The following ZNF268 variants were observed in gnomAD, a reference collection of about 807,000 sequenced individuals.
ZNF268 encodes zinc finger protein 268, also known as zinc finger protein 3.
ZNF268 carries 20 observed loss-of-function variants against 29.3 expected under a neutral mutation model. The ratio of observed to expected loss-of-function variants is 0.68; its 90% CI spans 0.48 to 0.99. ZNF268 has a LOEUF of 0.99. Ranked by LOEUF, ZNF268 falls within the 50% of genes least tolerant of loss-of-function variation. The pLI is 0.00. For synonymous variants in ZNF268, 429 were observed against 376.9 expected (o/e 1.14, Z -1.60); for missense variants, 1,240 against 1,121.6 (o/e 1.11, Z -1.51).
chr12:133,195,589 C>A (rs1956573235), intron 5 of ZNF268, among the ~76,000 whole-genome samples: 1 of 152,088 alleles, frequency 6.6e-6, no homozygotes, highest in Non-Finnish European at 1.5e-5. Flanking sequence ...TGCCAGTAGT[C>A]CCAGCTACTT....
At position 133,202,732 on chromosome 12, in the gene ZNF268, T is replaced by C. The variant is rs1353013365; in HGVS notation, c.1046T>C (p.Ile349Thr). 3.1e-6 allele frequency: 5 copies of C among 1,612,000 alleles called. No individual in the cohort carries two copies. Among genetic ancestry groups the C allele is most frequent in the Non-Finnish European group, 4.2e-6 (5 of 1,179,230 alleles). The change falls in exon 6 of 6, where the codon ATA (isoleucine) becomes ACA (threonine). Residue 349 changes from isoleucine to threonine, a missense_variant. Transcript: ENST00000536435. ...TTCAGTTTCCATTCACAGCTTGTTA[T>C]ACATCAGAGAATTCACACAGGTGAG... ...KTFSFHSQLV[I>T]HQRIHTGENP...
chr12:133,203,709 A>C lies in ZNF268; in HGVS notation c.2023A>C (p.Lys675Gln). The C allele has an allele frequency of 6.5e-7, 1 of 1,547,504 alleles. No homozygotes were observed. The highest frequency in any genetic ancestry group is 1.2e-5 in the South Asian group (1 of 85,100). ...ACCCTATGGATGCAGTCAATGTGCA[A>C]AAACCTTTAGTTTGAAGTCCCAGCT... ...VKPYGCSQCAKTFSLKSQLIV... is the reference protein window; with the variant it reads ...VKPYGCSQCAQTFSLKSQLIV... The change falls in exon 6 of 6, where the codon AAA becomes CAA. Residue 675 changes from lysine to glutamine, a missense_variant. Around this residue, in one of 3 missense-constraint regions of ZNF268, gnomAD observed 1,177 missense variants for 1,039.6 expected, o/e 1.13. Coordinates refer to ENST00000536435, the MANE Select transcript of ZNF268 (RefSeq NM_003415.3).
chr12:133,185,858 CCT>C (rs71820074), intron 2 of ZNF268, among the ~76,000 whole-genome samples: 34,044 of 151,982 alleles, frequency 0.22, 4,585 homozygotes, highest in Non-Finnish European at 0.3. Context: ...AAGGTGGAGT[CCT>C]CTTTTCTAAG....
In ZNF268 at chr12:133,181,950, C is replaced by G. The variant is rs542290849; in HGVS notation, c.-48C>G. ...TCACTGTGCTCTCTCTTCTAGCATC[C>G]CTCGCGTCCTGTCACTTCCAGCGAG... On this transcript the variant is annotated 5_prime_UTR_variant, in exon 2 of 6. Transcript: ENST00000536435. 2.7e-5 allele frequency: 42 copies of G among 1,551,100 alleles called. No homozygotes were observed. The Admixed American group carries it at 4.9e-4, about 18-fold the overall frequency.
rs868129775 is a variant in ZNF268 at position 133,203,712 on chromosome 12, A to G, written c.2026A>G (p.Thr676Ala). The part of the protein sequence containing the change: ...KPYGCSQCAK[T>A]FSLKSQLIVH... Reference sequence around the variant, plus strand: ...CTATGGATGCAGTCAATGTGCAAAAACCTTTAGTTTGAAGTCCCAGCTCAT... The same window carrying G: ...CTATGGATGCAGTCAATGTGCAAAAGCCTTTAGTTTGAAGTCCCAGCTCAT... The change falls in exon 6 of 6, where the codon ACC becomes GCC. Residue 676 changes from threonine (T) to alanine (A), a missense_variant. By Grantham distance (58) the Thr-to-Ala change is moderately conservative. This residue lies in a region of ZNF268 where 1,177 missense variants were observed against 1,039.6 expected (regional missense o/e 1.13). Transcript: ENST00000536435. 1 of 1,547,022 alleles carries G rather than the reference A, an allele frequency of 6.5e-7. No homozygotes were observed. The highest frequency in any genetic ancestry group is 8.7e-7 in the Non-Finnish European group (1 of 1,152,196).
At chr12:133,196,756 G>T (rs1234680193) in intron 5 of ZNF268, among the ~76,000 whole-genome samples, 1 of 152,136 alleles carries the variant, frequency 6.6e-6, no homozygotes, top group Non-Finnish European at 1.5e-5. Flanking sequence ...TCAAACCATT[G>T]TGAAAACCGA....
chr12:133,191,843 G>A (rs747987054), intron 4 of ZNF268, 65 bp from the exon 5 acceptor site: 36 of 1,579,868 alleles, frequency 2.3e-5, no homozygotes, highest in Middle Eastern at 1.7e-4. Flanking sequence ...AATCTTTCCC[G>A]TTCTTCAGAA....
chr12:133,188,989 TCTTTATTA>T (rs1956396112), intron 3 of ZNF268, among the ~76,000 whole-genome samples: 2 of 152,266 alleles, frequency 1.3e-5, no homozygotes, highest in South Asian at 2.1e-4. Context: ...AAGATCTTTT[TCTTTATTA>T]CTTTATTACT....
intron 5 of ZNF268, among the ~76,000 whole-genome samples, chr12:133,195,224 C>T (rs893932030): frequency 1.7e-4 from 26 of 152,254 alleles, no homozygotes; most frequent in Non-Finnish European, 1.2e-4. Context: ...TGATTAAACT[C>T]GAGATGGTCG....
chr12:133,204,083 G>A lies in ZNF268; in HGVS notation c.2397G>A (p.Met799Ile). The change falls in exon 6 of 6, where the codon ATG becomes ATA. Residue 799 changes from methionine (M) to isoleucine (I), a missense_variant. Coordinates refer to ENST00000536435, the MANE Select transcript of ZNF268 (RefSeq NM_003415.3). The stretch of plus-strand genomic sequence containing the variant: ...GCAAGTCATACCTAATTATACACAT[G>A]AGAACTCATTCAGGTGAAAAACCAT... ...FSSKSYLIIHMRTHSGEKPYE... is the reference protein window; with the variant it reads ...FSSKSYLIIHIRTHSGEKPYE... 1 of 1,551,870 alleles carries A rather than the reference G, an allele frequency of 6.4e-7. No homozygotes were observed.
Position 133,202,307 on chromosome 12 carries a change from A to T in ZNF268, c.621A>T (p.Gly207=). 3 of 1,612,456 alleles carry T rather than the reference A, an allele frequency of 1.9e-6. No individual in the cohort carries two copies. The highest frequency in any genetic ancestry group is 2.5e-6 in the Non-Finnish European group (3 of 1,179,172). Residue 207 remains glycine, a synonymous_variant, in exon 6 of 6, where the codon GGA becomes GGT. Transcript: ENST00000536435. ...RQKPHKCGTH[G]KSLKYIDFTS... ...AACCTCATAAATGTGGCACGCATGG[A>T]AAGAGTTTGAAATATATAGATTTCA...
At position 133,203,520 on chromosome 12, in the gene ZNF268, T is replaced by C. The variant is rs1956811068; in HGVS notation, c.1834T>C (p.Phe612Leu). The part of the protein sequence containing the change: ...HQRTHTGEKP[F>L]ECSECQKAFN... ...GAGAACTCATACAGGGGAGAAACCA[T>C]TTGAATGTAGTGAGTGTCAGAAAGC... The change falls in exon 6 of 6, where the codon TTT (phenylalanine) becomes CTT (leucine). Residue 612 changes from phenylalanine to leucine, a missense_variant. Coordinates refer to ENST00000536435, the MANE Select transcript of ZNF268 (RefSeq NM_003415.3). 2.6e-6 allele frequency: 4 copies of C among 1,547,080 alleles called. No homozygotes were observed. The highest frequency in any genetic ancestry group is 1.2e-5 in the South Asian group (1 of 84,528).
rs1957009203 is a variant in ZNF268 at position 133,212,958 on chromosome 12, T to A, written c.*8428T>A. The A allele has an allele frequency of 6.6e-6, 1 of 152,266 alleles. No homozygotes were observed. The highest frequency in any genetic ancestry group is 2.4e-5 in the African/African-American group (1 of 41,462). The allele number at this position is 152,266 out of a possible 1,614,324, so 9.4% of individuals were successfully genotyped here. A position where few individuals can be genotyped will look rare whatever the true frequency, so the allele number is the denominator to read the frequency against. ...TCCGCCTCCTAGGTTTAAGTGATTC[T>A]CCTTCCTCGGCCTCCTGAGTAGCTG... On this transcript the variant is annotated 3_prime_UTR_variant, in exon 6 of 6. Coordinates refer to ENST00000536435, the MANE Select transcript of ZNF268 (RefSeq NM_003415.3).
chr12:133,208,436 C>G lies in ZNF268; in HGVS notation c.*3906C>G, dbSNP rs1394875212. 1.3e-5 allele frequency: 2 copies of G among 152,176 alleles called. No individual in the cohort carries two copies. Among genetic ancestry groups the G allele is most frequent in the Non-Finnish European group, 1.5e-5 (1 of 68,094 alleles). The allele number at this position is 152,176 out of a possible 1,614,324, so 9.4% of individuals were successfully genotyped here. The stretch of plus-strand genomic sequence containing the variant: ...GCTTGAACCTAGGAGGTGGCAGTTG[C>G]AGTGAGCCAAGATTGCACCACTGCA... On this transcript the variant is annotated 3_prime_UTR_variant, in exon 6 of 6. Transcript: ENST00000536435.
At chr12:133,186,468 G>T (rs1956318730) in intron 2 of ZNF268, among the ~76,000 whole-genome samples, 2 of 151,222 alleles carry the variant, frequency 1.3e-5, no homozygotes, top group African/African-American at 4.9e-5. Flanking sequence ...CTGCTTCCCA[G>T]GTTCAAGCAA....
chr12:133,203,862 T>A lies in ZNF268; in HGVS notation c.2176T>A (p.Cys726Ser). ...RTHTGEKPHE[C>S]RECGKSFSFN... Reference sequence around the variant, plus strand: ...TCATACAGGAGAGAAACCACATGAGTGCAGGGAATGCGGGAAATCCTTTAG... The same window carrying A: ...TCATACAGGAGAGAAACCACATGAGAGCAGGGAATGCGGGAAATCCTTTAG... Residue 726 changes from cysteine (C) to serine (S), a missense_variant, in exon 6 of 6, where the codon TGC (cysteine) becomes AGC (serine). Physicochemically the swap from Cys to Ser is moderately radical, Grantham distance 112. Coordinates refer to ENST00000536435, the MANE Select transcript of ZNF268 (RefSeq NM_003415.3). The A allele has an allele frequency of 6.4e-7, 1 of 1,567,726 alleles. No individual in the cohort carries two copies. Among genetic ancestry groups the A allele is most frequent in the Non-Finnish European group, 8.6e-7 (1 of 1,161,782 alleles).
At chr12:133,182,485 G>T (rs920588723) in intron 2 of ZNF268, among the ~76,000 whole-genome samples, 3 of 152,118 alleles carry the variant, frequency 2.0e-5, no homozygotes, top group African/African-American at 7.2e-5. Context: ...AAGAACAGTG[G>T]TCTAGGAATG....
rs1038631915 is a variant in ZNF268 at position 133,202,750 on chromosome 12, C to G, written c.1064C>G (p.Thr355Arg). 2.5e-6 allele frequency: 4 copies of G among 1,611,666 alleles called. No individual in the cohort carries two copies. The African/African-American group carries it at 5.3e-5, about 22-fold the overall frequency. The change falls in exon 6 of 6, where the codon ACA (threonine) becomes AGA (arginine). Residue 355 changes from threonine to arginine, a missense_variant. By Grantham distance (71) the Thr-to-Arg change is moderately conservative. Coordinates refer to ENST00000536435, the MANE Select transcript of ZNF268 (RefSeq NM_003415.3). ...CTTGTTATACATCAGAGAATTCACA[C>G]AGGTGAGAATCCCTATGAGTGCTGT... is the stretch of plus-strand genomic sequence containing the variant. The part of the protein sequence containing the change: ...SQLVIHQRIH[T>R]GENPYECCEC...
chr12:133,189,361 C>T (rs532326689), intron 3 of ZNF268, among the ~76,000 whole-genome samples: 2 of 151,858 alleles, frequency 1.3e-5, no homozygotes, highest in South Asian at 2.1e-4. Flanking sequence ...ACTACAGGTG[C>T]GCACTACCAT....
Sources: gnomAD v4.1 joint callset for allele counts (sites outside exome capture counted in the v4.1 genomes callset) on GRCh38, gnomAD v4.1.1 for gene constraint, gnomAD v4.1.1 regional missense constraint, MANE v1.5 for transcripts, NCBI Gene and HGNC (gene_info 2026-07-23, HGNC 2026-07-21) for gene names.